MALRD1: variants seen among roughly 807,000 people sequenced by gnomAD.
MALRD1 encodes the protein MAM and LDL-receptor class A domain-containing protein 1.
MALRD1 carries 247 observed loss-of-function variants against 242.1 expected under a neutral mutation model. That is an observed-to-expected ratio of 1.02 (90% confidence interval 0.92 to 1.13). The LOEUF is 1.13. Ranked by LOEUF, MALRD1 falls within the 50% of genes most tolerant of loss-of-function variation. The pLI is 0.00. For synonymous variants in MALRD1, 995 were observed against 866.6 expected (o/e 1.15, Z -2.60); for missense variants, 2,989 against 2,533.1 (o/e 1.18, Z -3.86).
chr10:19,134,224 C>T (rs568338718), intron 9 of MALRD1, among the ~76,000 whole-genome samples: 3 of 152,204 alleles, frequency 2.0e-5, no homozygotes, highest in Non-Finnish European at 2.9e-5. Flanking sequence ...CATGCTGTGC[C>T]CCAGGGAAAC....
At chr10:19,490,038 C>T (rs571773965) in intron 29 of MALRD1, among the ~76,000 whole-genome samples, 2 of 152,154 alleles carry the variant, frequency 1.3e-5, no homozygotes, top group African/African-American at 4.8e-5. Flanking sequence ...ACTTGATAGC[C>T]TCTTAAGGAA....
chr10:19,512,319 G>A (rs1396857160), intron 31 of MALRD1, among the ~76,000 whole-genome samples: 3 of 152,138 alleles, frequency 2.0e-5, no homozygotes, highest in Non-Finnish European at 2.9e-5. Flanking sequence ...ATGGGCAAAG[G>A]CCTCAGTGAC....
At chr10:19,485,925 A>C (rs1466210023) in intron 29 of MALRD1, among the ~76,000 whole-genome samples, 1 of 152,038 alleles carries the variant, frequency 6.6e-6, no homozygotes, top group Non-Finnish European at 1.5e-5. Context: ...TTTTCATTAT[A>C]TTTTATAGAT....
chr10:19,525,130 GTC>G (rs1834049244), intron 31 of MALRD1, among the ~76,000 whole-genome samples: 1 of 150,926 alleles, frequency 6.6e-6, no homozygotes. Flanking sequence ...GGTCAGGCTG[GTC>G]TCGAGCTCCT....
intron 7 of MALRD1, among the ~76,000 whole-genome samples, chr10:19,125,364 T>C (rs1456357552): frequency 1.3e-4 from 16 of 122,652 alleles, no homozygotes; most frequent in Admixed American, 5.6e-4. Context: ...TTTCTTTCTT[T>C]CTTTCTTTCT....
intron 33 of MALRD1, among the ~76,000 whole-genome samples, chr10:19,591,989 T>C (rs1837813616): frequency 6.6e-6 from 1 of 152,220 alleles, no homozygotes; most frequent in Non-Finnish European, 1.5e-5. Flanking sequence ...ACGGAGTGAA[T>C]GAAGGACTGC....
At position 19,377,436 on chromosome 10, in the gene MALRD1, A is replaced by G. The variant is rs556943032; in HGVS notation, c.4442-10092A>G. Among the ~76,000 whole-genome samples the G allele has an allele frequency of 2.0e-5, 3 of 152,286 alleles. No individual in the cohort carries two copies. The East Asian group carries it at 5.8e-4, about 29-fold the overall frequency. On this transcript the variant is annotated intron_variant, in intron 26 of 39. Coordinates refer to ENST00000454679, the MANE Select transcript of MALRD1 (RefSeq NM_001142308.3). ...AATGGATTCTGGAACTAAATTATCT[A>G]GATTCAGATCTCAGGTCTGCTCCCT...
chr10:19,713,179 A>G (rs1174859488), intron 38 of MALRD1, among the ~76,000 whole-genome samples: 1 of 152,074 alleles, frequency 6.6e-6, no homozygotes, highest in Non-Finnish European at 1.5e-5. Context: ...CATTAAAAAA[A>G]GAAACAGGAA....
chr10:19,486,941 G>A (rs1837262343), intron 29 of MALRD1, among the ~76,000 whole-genome samples: 1 of 152,084 alleles, frequency 6.6e-6, no homozygotes, highest in South Asian at 2.1e-4. Flanking sequence ...TAAACCTTAT[G>A]TTCTTACTGG....
intron 38 of MALRD1, among the ~76,000 whole-genome samples, chr10:19,713,883 G>A (rs1408960570): frequency 1.3e-5 from 2 of 152,180 alleles, no homozygotes; most frequent in East Asian, 3.9e-4. Context: ...TGTTGAAATG[G>A]GAAAAGTCCC....
chr10:19,269,471 C>A (rs950210747), intron 19 of MALRD1, among the ~76,000 whole-genome samples: 2 of 152,232 alleles, frequency 1.3e-5, no homozygotes, highest in Non-Finnish European at 2.9e-5. Flanking sequence ...GAGTTGACCT[C>A]ATGTCCCTTA....
At chr10:19,113,796 C>CACACAT (rs1836768519) in intron 5 of MALRD1, among the ~76,000 whole-genome samples, 1 of 78,478 alleles carries the variant, frequency 1.3e-5, no homozygotes, top group Non-Finnish European at 3.7e-5. Flanking sequence ...ACCCCCTACA[C>CACACAT]ACACACACAC....
chr10:19,426,762 C>T (rs531597448), intron 28 of MALRD1, among the ~76,000 whole-genome samples: 32 of 152,272 alleles, frequency 2.1e-4, no homozygotes, highest in African/African-American at 6.7e-4. Context: ...GAGATCGTGC[C>T]ACTGCACTCC....
intron 18 of MALRD1, among the ~76,000 whole-genome samples, chr10:19,248,855 C>A (rs1341972723): frequency 1.3e-5 from 2 of 149,442 alleles, no homozygotes; most frequent in African/African-American, 4.9e-5. Flanking sequence ...AGACTGGCCA[C>A]AACTAATAGC....
chr10:19,525,692 G>A (rs1194445812), intron 31 of MALRD1, among the ~76,000 whole-genome samples: 1 of 152,116 alleles, frequency 6.6e-6, no homozygotes, highest in Admixed American at 6.5e-5. Context: ...ACAAGCAAAA[G>A]TGAAGTATTA....
intron 28 of MALRD1, among the ~76,000 whole-genome samples, chr10:19,406,250 G>GA (rs1182783346): frequency 2.0e-5 from 3 of 152,136 alleles, no homozygotes; most frequent in African/African-American, 7.2e-5. Flanking sequence ...AGGAAAGGGA[G>GA]AAAAAGTAAA....
At chr10:19,161,182 G>A (rs1197249195) in intron 12 of MALRD1, among the ~76,000 whole-genome samples, 2 of 137,398 alleles carry the variant, frequency 1.5e-5, no homozygotes, top group African/African-American at 2.7e-5. Flanking sequence ...CATAAAAAAT[G>A]ATGAGTTCAT....
chr10:19,375,976 G>C (rs1845571487), intron 26 of MALRD1, among the ~76,000 whole-genome samples: 1 of 152,086 alleles, frequency 6.6e-6, no homozygotes. Flanking sequence ...ACAAAAATTT[G>C]CTGGGCGTGG....
At chr10:19,320,452 T>G (rs1024668027) in intron 21 of MALRD1, among the ~76,000 whole-genome samples, 1 of 152,184 alleles carries the variant, frequency 6.6e-6, no homozygotes, top group African/African-American at 2.4e-5. Context: ...TGCCAAATTT[T>G]CTTTATCCAG....
Sources: allele counts gnomAD v4.1 joint callset (sites outside exome capture counted in the v4.1 genomes callset), GRCh38; gene constraint gnomAD v4.1.1; transcripts MANE v1.5; gene names NCBI Gene and HGNC (gene_info 2026-07-23, HGNC 2026-07-21).